The following FANCD2 variants were observed in gnomAD, a reference collection of about 807,000 sequenced individuals.
FANCD2 encodes the protein FA complementation group D2.
FANCD2 carries 131 observed loss-of-function variants against 192.3 expected under a neutral mutation model. That is an observed-to-expected ratio of 0.68 (90% confidence interval 0.59 to 0.79). The LOEUF is 0.79. Among genes scored for constraint, FANCD2 ranks in the 30% least tolerant of loss-of-function variants. The pLI, the probability that FANCD2 is intolerant of heterozygous loss-of-function variation, is 0.00. For missense variants in FANCD2, 1,508 were observed against 1,701.6 expected (o/e 0.89, Z 2.00); for synonymous variants, 524 against 612.5 (o/e 0.86, Z 2.13).
intron 18 of FANCD2, among the ~76,000 whole-genome samples, chr3:10,054,210 T>G (rs2087305221): frequency 6.6e-6 from 1 of 150,926 alleles, no homozygotes; most frequent in African/African-American, 2.4e-5. Context: ...AGACTCTATC[T>G]CAAAATAAAT....
rs2125029911 is a variant in FANCD2 at position 10,062,226 on chromosome 3, T to C, written c.1827+15T>C. The C allele has an allele frequency of 6.2e-7, 1 of 1,608,610 alleles. No homozygotes were observed. On this transcript the variant is annotated intron_variant, in intron 20 of 43. Transcript: ENST00000675286. ...AGTGCACACAGGTGAGTTCTTTTTT[T>C]CCTTTCTTTCTTTTTCCTGTCTTTT...
rs1251422584 is a variant in FANCD2, at chr3:10,095,126, G to GAT, written c.3964-73_3964-72dup. ...AGAGTTTATCCTCTTTGGAGCTTTT[G>GAT]ATTGCAAGGGTATCTTGAATCTAAA... On this transcript the variant is annotated intron_variant, in intron 40 of 43. Transcript: ENST00000675286. 4.7e-6 allele frequency: 6 copies of GAT among 1,285,400 alleles called. No homozygotes were observed. In the African/African-American group the frequency reaches 8.8e-5, roughly 19 times the overall value. 79.6% of individuals were successfully genotyped at this position (1,285,400 alleles called of 1,614,324 possible).
chr3:10,075,181 T>C (rs1208038732), intron 29 of FANCD2, among the ~76,000 whole-genome samples: 1 of 147,654 alleles, frequency 6.8e-6, no homozygotes, highest in Non-Finnish European at 1.5e-5. Context: ...TTTATTATTA[T>C]TATTTTCTTT....
intron 30 of FANCD2, 101 bp from the exon 31 acceptor site, chr3:10,080,999 C>G: frequency 7.7e-7 from 1 of 1,305,598 alleles, no homozygotes; most frequent in Non-Finnish European, 1.1e-6. Flanking sequence ...CCCATCTGCT[C>G]CTACCTGGTG....
chr3:10,037,584 G>T (rs994454570), intron 7 of FANCD2: 9 of 152,094 alleles, frequency 5.9e-5, no homozygotes, highest in African/African-American at 2.2e-4. Context: ...TACTAAAATT[G>T]GAACAATACA....
chr3:10,065,036 A>G (rs907658605), intron 23 of FANCD2, among the ~76,000 whole-genome samples, 161 bp downstream of exon 23: 1 of 152,096 alleles, frequency 6.6e-6, no homozygotes, highest in African/African-American at 2.4e-5. Context: ...TTTTTCTTGG[A>G]TCCTTGGCTT....
At position 10,038,212 on chromosome 3, in the gene FANCD2, G is replaced by A. The variant is rs372151573; in HGVS notation, c.492-1067G>A. ...TCGCCATGTTGGCCAGGCTGGCCTC[G>A]AACTCCTGACCTCAAGTGATCTGCT... On this transcript the variant is annotated intron_variant, in intron 7 of 43. Transcript: ENST00000675286. 9.9e-5 allele frequency among the ~76,000 whole-genome samples: 15 copies of A among 152,182 alleles called. 1 individual carries two copies. The highest frequency in any genetic ancestry group is 9.7e-4 in the East Asian group (5 of 5,178).
intron 14 of FANCD2, among the ~76,000 whole-genome samples, chr3:10,046,107 G>T (rs2087000190): frequency 7.1e-6 from 1 of 140,514 alleles, no homozygotes; most frequent in South Asian, 2.2e-4. Context: ...AGGCTGGAGT[G>T]CAGTGGCGCG....
intron 18 of FANCD2, among the ~76,000 whole-genome samples, chr3:10,054,145 G>A (rs2087302800): frequency 1.3e-5 from 2 of 151,588 alleles, no homozygotes; most frequent in Admixed American, 1.3e-4. Flanking sequence ...CCAGGAAGTT[G>A]AGGCTACAGT....
At chr3:10,082,432 C>T (rs895303759) in intron 32 of FANCD2, among the ~76,000 whole-genome samples, 2 of 152,112 alleles carry the variant, frequency 1.3e-5, no homozygotes, top group African/African-American at 2.4e-5. Context: ...CTAACATAAA[C>T]CCAGTTTGAT....
At chr3:10,059,693 C>G (rs989917308) in intron 18 of FANCD2, among the ~76,000 whole-genome samples, 1 of 151,750 alleles carries the variant, frequency 6.6e-6, no homozygotes, top group African/African-American at 2.4e-5. Context: ...GTAGTCCCAG[C>G]TACTTGGGAG....
intron 7 of FANCD2, 110 bp from the exon 8 acceptor site, chr3:10,039,169 T>C (rs1231611476): frequency 1.4e-6 from 1 of 709,124 alleles, no homozygotes; most frequent in African/African-American, 1.8e-5. Context: ...GCATAGTAGG[T>C]GTTCGGTAAA....
chr3:10,067,985 A>G (rs1275000171), intron 26 of FANCD2, among the ~76,000 whole-genome samples: 1 of 152,208 alleles, frequency 6.6e-6, no homozygotes, highest in Non-Finnish European at 1.5e-5. Flanking sequence ...CTTTCATCAT[A>G]AAAAACCCTC....
At chr3:10,042,742 G>C (rs1049064282) in intron 11 of FANCD2, 79 bp downstream of exon 11, 27 of 1,082,346 alleles carry the variant, frequency 2.5e-5, no homozygotes, top group Non-Finnish European at 3.7e-5. Context: ...GACTAACTGA[G>C]AATACTGACT....
At chr3:10,098,223 C>T (rs549507467) in intron 42 of FANCD2, among the ~76,000 whole-genome samples, 1 of 152,246 alleles carries the variant, frequency 6.6e-6, no homozygotes, top group East Asian at 1.9e-4. Context: ...AATTGAAGCT[C>T]AGAGAAGTTA....
intron 12 of FANCD2, 94 bp downstream of exon 12, chr3:10,043,244 A>G: frequency 2.2e-6 from 2 of 928,088 alleles, no homozygotes; most frequent in South Asian, 2.7e-5. Context: ...TGATACTATT[A>G]TGACATTTAC....
intron 34 of FANCD2, 111 bp downstream of exon 34, chr3:10,087,375 A>T: frequency 9.8e-7 from 1 of 1,016,968 alleles, no homozygotes. Context: ...ATCCCCACAT[A>T]ACCTTGGATA....
chr3:10,047,380 A>G (rs537811863), intron 15 of FANCD2, among the ~76,000 whole-genome samples: 4 of 152,414 alleles, frequency 2.6e-5, no homozygotes, highest in South Asian at 2.1e-4. Flanking sequence ...AGTACTAAAT[A>G]TAAGATTTTT....
At chr3:10,056,338 A>G (rs1559384541) in intron 18 of FANCD2, among the ~76,000 whole-genome samples, 1 of 152,066 alleles carries the variant, frequency 6.6e-6, no homozygotes, top group Non-Finnish European at 1.5e-5. Context: ...TGTATATCTA[A>G]GAGTGGAATT....
Sources: allele counts gnomAD v4.1 joint callset (sites outside exome capture counted in the v4.1 genomes callset), GRCh38; gene constraint gnomAD v4.1.1; transcripts MANE v1.5; gene names NCBI Gene and HGNC (gene_info 2026-07-23, HGNC 2026-07-21).